KCNQ5: variants seen among roughly 807,000 people sequenced by gnomAD.
KCNQ5 encodes potassium voltage-gated channel subfamily KQT member 5.
In KCNQ5, 30 loss-of-function variants were observed where a neutral mutation model predicts 98.2. The ratio of observed to expected loss-of-function variants is 0.31; its 90% CI spans 0.23 to 0.41. The LOEUF is 0.41. KCNQ5 is among the 10% of genes least tolerant of loss of function. KCNQ5 has a pLI of 1.00. For synonymous variants in KCNQ5, 458 were observed against 449.4 expected, an observed-to-expected ratio of 1.02 and a Z score of -0.24; for missense variants, 835 against 1,182.5, an observed-to-expected ratio of 0.71 and a Z score of 4.31.
chr6:73,014,313 G>A (rs1271401300), intron 2 of KCNQ5, among the ~76,000 whole-genome samples: 1 of 152,048 alleles, frequency 6.6e-6, no homozygotes. Context: ...TTTGATGAAA[G>A]TGATGCATAT....
chr6:73,035,127 G>A (rs970508782), intron 2 of KCNQ5, among the ~76,000 whole-genome samples: 1 of 151,950 alleles, frequency 6.6e-6, no homozygotes, highest in African/African-American at 2.4e-5. Flanking sequence ...TTACAGGTGT[G>A]AACCACCGCG....
intron 10 of KCNQ5, among the ~76,000 whole-genome samples, chr6:73,167,311 C>T (rs1167899700): frequency 1.3e-5 from 2 of 152,190 alleles, no homozygotes; most frequent in Non-Finnish European, 2.9e-5. Flanking sequence ...TCAGGCAACA[C>T]ACACGTGTAG....
chr6:72,706,438 A>G (rs984386970), intron 1 of KCNQ5, among the ~76,000 whole-genome samples: 7 of 151,984 alleles, frequency 4.6e-5, no homozygotes, highest in African/African-American at 1.4e-4. Flanking sequence ...TGTGAATAAT[A>G]TGTTCATATA....
chr6:72,680,347 A>C (rs1767644326), intron 1 of KCNQ5, among the ~76,000 whole-genome samples: 1 of 152,190 alleles, frequency 6.6e-6, no homozygotes, highest in Admixed American at 6.5e-5. Context: ...ATGGTGTAGC[A>C]TGTATGAATA....
intron 1 of KCNQ5, among the ~76,000 whole-genome samples, chr6:72,964,419 T>A (rs1767511302): frequency 6.6e-6 from 1 of 152,214 alleles, no homozygotes; most frequent in Non-Finnish European, 1.5e-5. Flanking sequence ...ATGTTGTAAT[T>A]CTGTTTATTT....
intron 1 of KCNQ5, among the ~76,000 whole-genome samples, chr6:72,834,699 A>G (rs1205584056): frequency 1.3e-5 from 2 of 152,170 alleles, no homozygotes; most frequent in Admixed American, 6.5e-5. Flanking sequence ...ACGTGGAAAT[A>G]GAATTCTTAT....
At chr6:73,127,795 C>T (rs1776050937) in intron 9 of KCNQ5, among the ~76,000 whole-genome samples, 2 of 152,186 alleles carry the variant, frequency 1.3e-5, no homozygotes, top group African/African-American at 4.8e-5. Context: ...AAGTGCAGTG[C>T]CTCATGCCTA....
chr6:73,057,668 C>G (rs1772583871), intron 3 of KCNQ5, among the ~76,000 whole-genome samples: 1 of 151,992 alleles, frequency 6.6e-6, no homozygotes. Context: ...GTTAAAATGG[C>G]CATATTGCCC....
chr6:72,987,054 A>G, intron 1 of KCNQ5: 1 of 727,600 alleles, frequency 1.4e-6, no homozygotes, highest in Non-Finnish European at 2.4e-6. Context: ...CTTCAGGTCC[A>G]TGGAGAGCAG....
intron 1 of KCNQ5, chr6:72,987,822 T>A (rs947137319): frequency 3.1e-6 from 1 of 319,750 alleles, no homozygotes; most frequent in Non-Finnish European, 6.0e-6. Flanking sequence ...AGATTACAAG[T>A]TTTTTTTGGT....
At chr6:73,063,725 A>AGAT (rs55820952) in intron 3 of KCNQ5, among the ~76,000 whole-genome samples, 7,147 of 104,988 alleles carry the variant, frequency 0.068, 262 homozygotes, top group Non-Finnish European at 0.076. Context: ...GATAGATGAT[A>AGAT]GATAGATAGA....
chr6:72,740,250 A>C (rs1771060811), intron 1 of KCNQ5, among the ~76,000 whole-genome samples: 1 of 152,232 alleles, frequency 6.6e-6, no homozygotes, highest in African/African-American at 2.4e-5. Flanking sequence ...AGTAAGAGAC[A>C]AATCAGAGGA....
At chr6:72,890,856 C>T (rs775146553) in intron 1 of KCNQ5, among the ~76,000 whole-genome samples, 3 of 152,106 alleles carry the variant, frequency 2.0e-5, no homozygotes, top group Non-Finnish European at 2.9e-5. Context: ...GTAAAGAGAA[C>T]ATGTAGCCCT....
chr6:72,971,058 A>G (rs1031184760), intron 1 of KCNQ5, among the ~76,000 whole-genome samples: 17 of 152,256 alleles, frequency 1.1e-4, no homozygotes, highest in African/African-American at 3.9e-4. Flanking sequence ...CAGAGTGAAC[A>G]GGCAACCTAC....
At chr6:72,699,369 A>G (rs147458503) in intron 1 of KCNQ5, among the ~76,000 whole-genome samples, 1 of 152,376 alleles carries the variant, frequency 6.6e-6, no homozygotes, top group East Asian at 1.9e-4. Flanking sequence ...ATGCTGACAA[A>G]CTGTCATTTA....
At chr6:73,103,404 A>G (rs1037178314) in intron 5 of KCNQ5, among the ~76,000 whole-genome samples, 8 of 151,886 alleles carry the variant, frequency 5.3e-5, no homozygotes, top group African/African-American at 1.9e-4. Context: ...CAAACACCAC[A>G]TGTTCTCATT....
At chr6:73,108,179 C>A (rs564037820) in intron 6 of KCNQ5, among the ~76,000 whole-genome samples, 2 of 152,194 alleles carry the variant, frequency 1.3e-5, no homozygotes. Context: ...CCATCCAAAG[C>A]GCCACTGTGG....
chr6:72,837,027 A>G (rs6927484), intron 1 of KCNQ5, among the ~76,000 whole-genome samples: 40,133 of 152,120 alleles, frequency 0.26, 6,204 homozygotes, highest in African/African-American at 0.43. Flanking sequence ...GAAAATTTGC[A>G]TATTTCTGTT....
At chr6:73,179,735 G>C (rs752994597) in intron 11 of KCNQ5, among the ~76,000 whole-genome samples, 15 of 152,152 alleles carry the variant, frequency 9.9e-5, no homozygotes, top group Admixed American at 2.0e-4. Context: ...GTGCAGAGTA[G>C]GTAAAGCACT....
Sources: gnomAD v4.1 joint callset for allele counts (sites outside exome capture counted in the v4.1 genomes callset) on GRCh38, gnomAD v4.1.1 for gene constraint, MANE v1.5 for transcripts, NCBI Gene and HGNC (gene_info 2026-07-23, HGNC 2026-07-21) for gene names.